The following NELL1 variants were observed in gnomAD, a reference collection of about 807,000 sequenced individuals.
NELL1 encodes neural EGFL like 1, also known as protein kinase C-binding protein NELL1.
In NELL1, 76 loss-of-function variants were observed where a neutral mutation model predicts 107.4. The observed-to-expected ratio is 0.71, with a 90% CI of 0.59 to 0.86. NELL1 has a LOEUF of 0.86. NELL1 is among the 40% of genes least tolerant of loss of function. The probability of loss-of-function intolerance (pLI) is 0.00; values close to 1 mark genes in which losing one functional copy is unlikely to be tolerated. For synonymous variants in NELL1, 353 were observed against 341.2 expected (o/e 1.03, Z -0.38); for missense variants, 1,024 against 1,005.5 (o/e 1.02, Z -0.25).
chr11:20,727,443 TG>T (rs1188257184), intron 2 of NELL1, among the ~76,000 whole-genome samples: 1 of 152,212 alleles, frequency 6.6e-6, no homozygotes, highest in African/African-American at 2.4e-5. Flanking sequence ...TTGATGGGGT[TG>T]TTTGATTTTT....
chr11:20,877,675 G>A (rs1161880833), intron 4 of NELL1, among the ~76,000 whole-genome samples: 1 of 152,210 alleles, frequency 6.6e-6, no homozygotes, highest in Non-Finnish European at 1.5e-5. Flanking sequence ...TTGATTCAAT[G>A]ATTGACTTTG....
chr11:20,782,447 T>C (rs1352064447), intron 2 of NELL1, among the ~76,000 whole-genome samples: 3 of 152,114 alleles, frequency 2.0e-5, no homozygotes, highest in Non-Finnish European at 2.9e-5. Flanking sequence ...ATTCAAAAAA[T>C]TATAGAAGGC....
At chr11:20,796,152 G>A (rs1429516848) in intron 3 of NELL1, among the ~76,000 whole-genome samples, 1 of 152,132 alleles carries the variant, frequency 6.6e-6, no homozygotes, top group Non-Finnish European at 1.5e-5. Flanking sequence ...GAAGGTAGAT[G>A]TTGGGACCGT....
At chr11:21,249,168 T>G (rs1279214927) in intron 14 of NELL1, among the ~76,000 whole-genome samples, 1 of 152,136 alleles carries the variant, frequency 6.6e-6, no homozygotes, top group Non-Finnish European at 1.5e-5. Context: ...GCAGTAAGAA[T>G]CCTTCATATC....
intron 15 of NELL1, among the ~76,000 whole-genome samples, chr11:21,526,570 C>T (rs1855861014): frequency 6.6e-6 from 1 of 152,218 alleles, no homozygotes; most frequent in South Asian, 2.1e-4. Flanking sequence ...CATGAAGGCT[C>T]TGCCCCTGTA....
chr11:21,454,621 T>C (rs1329592542), intron 15 of NELL1, among the ~76,000 whole-genome samples: 1 of 152,220 alleles, frequency 6.6e-6, no homozygotes, highest in Non-Finnish European at 1.5e-5. Flanking sequence ...CAAAATACCA[T>C]AGACTGAGTG....
chr11:21,383,837 C>A (rs1156322058), intron 15 of NELL1: 1 of 151,594 alleles, frequency 6.6e-6, no homozygotes, highest in Non-Finnish European at 1.5e-5. Flanking sequence ...TAATCAGTAC[C>A]AACCAGGCCC....
intron 2 of NELL1, among the ~76,000 whole-genome samples, chr11:20,779,446 C>T (rs1001736859): frequency 6.6e-6 from 1 of 152,202 alleles, no homozygotes; most frequent in East Asian, 1.9e-4. Flanking sequence ...TGGGCTTTAT[C>T]TGTCCCATTT....
intron 12 of NELL1, among the ~76,000 whole-genome samples, chr11:21,030,063 T>C (rs2134315355): frequency 6.6e-6 from 1 of 152,330 alleles, no homozygotes; most frequent in South Asian, 2.1e-4. Flanking sequence ...AGATGATAGA[T>C]CTGCACAAGT....
chr11:21,574,544 T>G (rs1591049398), intron 19 of NELL1, among the ~76,000 whole-genome samples: 1 of 151,990 alleles, frequency 6.6e-6, no homozygotes, highest in South Asian at 2.1e-4. Context: ...CAAACCTTAC[T>G]GGACCCCATC....
intron 2 of NELL1, among the ~76,000 whole-genome samples, chr11:20,756,868 G>C (rs773264517): frequency 2.0e-5 from 3 of 152,082 alleles, no homozygotes; most frequent in Non-Finnish European, 4.4e-5. Flanking sequence ...TTCAGTTCTG[G>C]GCAATGCATT....
intron 4 of NELL1, among the ~76,000 whole-genome samples, chr11:20,855,216 G>C (rs995565439): frequency 2.7e-5 from 4 of 146,524 alleles, no homozygotes; most frequent in Non-Finnish European, 6.0e-5. Context: ...TATGCCTTTC[G>C]TTAACGATTG....
chr11:20,879,635 C>T (rs557241462), intron 4 of NELL1, among the ~76,000 whole-genome samples: 1 of 152,204 alleles, frequency 6.6e-6, no homozygotes, highest in South Asian at 2.1e-4. Flanking sequence ...TGTTTAAGCA[C>T]ACAATCTTAT....
In NELL1 at chr11:20,669,754, T is replaced by A; in HGVS notation, c.31T>A (p.Phe11Ile). 1 of 1,613,042 alleles carries A rather than the reference T, an allele frequency of 6.2e-7. No homozygotes were observed. Reference protein sequence around the residue: MPMDLILVVWFCVCTARTVVG... With the variant: MPMDLILVVWICVCTARTVVG... Reference sequence around the variant, plus strand: ...GATGGATTTGATTTTAGTTGTGTGGTTCTGTGTGTGCACTGCCAGGACAGG... The same window carrying A: ...GATGGATTTGATTTTAGTTGTGTGGATCTGTGTGTGCACTGCCAGGACAGG... The change falls in exon 1 of 20, where the codon TTC (phenylalanine) becomes ATC (isoleucine). Residue 11 changes from phenylalanine to isoleucine, a missense_variant. By Grantham distance (21) the Phe-to-Ile change is conservative (BLOSUM62 0). Transcript: ENST00000357134. This position sits in a 1 kb window ranked among gnomAD's most constrained non-coding sequence, Gnocchi z 4.4.
chr11:20,932,568 C>A (rs1297645333), intron 9 of NELL1, among the ~76,000 whole-genome samples: 1 of 152,226 alleles, frequency 6.6e-6, no homozygotes, highest in East Asian at 1.9e-4. Context: ...ACGTATGGAT[C>A]ATTTACTCTG....
intron 14 of NELL1, among the ~76,000 whole-genome samples, chr11:21,319,455 G>A (rs1849958263): frequency 6.7e-6 from 1 of 149,204 alleles, no homozygotes; most frequent in Admixed American, 6.7e-5. Context: ...CTTCCAAAGT[G>A]CTGGGATTAC....
In NELL1 at chr11:20,861,253, AT is replaced by A. The variant is rs148855016; in HGVS notation, c.506+13508del. ...ATATTTTCTTTGCATACACAAACAC[AT>A]TTTTTTTCTCCATAATGATATAGCA... On this transcript the variant is annotated intron_variant, in intron 4 of 19. Coordinates refer to ENST00000357134, the MANE Select transcript of NELL1 (RefSeq NM_006157.5). Among the ~76,000 whole-genome samples the A allele has an allele frequency of 6.3e-3, 958 of 152,026 alleles. 9 individuals are homozygous for A. The highest frequency in any genetic ancestry group is 0.022 in the African/African-American group (892 of 41,446).
At chr11:21,009,471 A>C (rs1246609504) in intron 12 of NELL1, among the ~76,000 whole-genome samples, 1 of 152,122 alleles carries the variant, frequency 6.6e-6, no homozygotes, top group Non-Finnish European at 1.5e-5. Flanking sequence ...CTCATAGGAC[A>C]CATCTGTGGC....
At chr11:20,974,336 T>C (rs1002569405) in intron 12 of NELL1, among the ~76,000 whole-genome samples, 2 of 152,212 alleles carry the variant, frequency 1.3e-5, no homozygotes, top group African/African-American at 2.4e-5. Flanking sequence ...CTGTCTGTAA[T>C]TGGTCAATAA....
Sources: allele counts gnomAD v4.1 joint callset (sites outside exome capture counted in the v4.1 genomes callset), GRCh38; gene constraint gnomAD v4.1.1; non-coding constraint Gnocchi (gnomAD v3.1); transcripts MANE v1.5; gene names NCBI Gene and HGNC (gene_info 2026-07-23, HGNC 2026-07-21).